The following SOX5 variants were observed in gnomAD, a reference collection of about 807,000 sequenced individuals.
SOX5 encodes transcription factor SOX-5.
Under a neutral mutation model 92.0 loss-of-function variants are expected in SOX5, and 9 were observed. That is an observed-to-expected ratio of 0.10 (90% CI 0.06 to 0.17). The LOEUF is 0.17. Among genes scored for constraint, SOX5 ranks in the 10% least tolerant of loss-of-function variants. The probability of loss-of-function intolerance (pLI) is 1.00; values close to 1 mark genes in which losing one functional copy is unlikely to be tolerated. For missense variants in SOX5, 642 were observed against 944.5 expected (o/e 0.68, Z 4.20); for synonymous variants, 344 against 336.3 (o/e 1.02, Z -0.25).
chr12:24,196,050 A>T (rs1956983028), intron 4 of SOX5, among the ~76,000 whole-genome samples: 1 of 151,916 alleles, frequency 6.6e-6, no homozygotes, highest in Non-Finnish European at 1.5e-5. Flanking sequence ...ACGCCTAGCT[A>T]ATTTTTGTAT....
intron 1 of SOX5, among the ~76,000 whole-genome samples, chr12:24,424,544 C>G (rs1467538893): frequency 6.6e-6 from 1 of 152,058 alleles, no homozygotes; most frequent in Non-Finnish European, 1.5e-5. Context: ...CTTGGGGGCA[C>G]TTGTCTTCCC....
At chr12:23,818,640 T>C (rs984444013) in intron 3 of SOX5, among the ~76,000 whole-genome samples, 1 of 152,182 alleles carries the variant, frequency 6.6e-6, no homozygotes, top group Non-Finnish European at 1.5e-5. Context: ...TATTCTACTT[T>C]ATAAGCTTTT....
chr12:23,574,807 G>A (rs1009947096), intron 10 of SOX5, among the ~76,000 whole-genome samples: 1 of 151,940 alleles, frequency 6.6e-6, no homozygotes, highest in Non-Finnish European at 1.5e-5. Flanking sequence ...TCTTCTTCAA[G>A]GCTCAGTTTG....
At position 24,292,799 on chromosome 12, in the gene SOX5, C is replaced by G. The variant is rs60333984; in HGVS notation, c.-173-15487G>C. On this transcript the variant is annotated intron_variant, in intron 2 of 4. Transcript: ENST00000446891. ...AAGTTTCTTATGAGCTGTAACATTT[C>G]GAAGAAATTTCCACAGACTAGCTTC... 1.8e-3 allele frequency among the ~76,000 whole-genome samples: 278 copies of G among 152,296 alleles called. 1 individual carries two copies. The highest frequency in any genetic ancestry group is 6.6e-3 in the African/African-American group (274 of 41,562).
intron 2 of SOX5, among the ~76,000 whole-genome samples, chr12:23,857,856 C>A (rs1343589781): frequency 6.6e-6 from 1 of 152,042 alleles, no homozygotes; most frequent in Non-Finnish European, 1.5e-5. Context: ...CCTCAGCCTC[C>A]TGAGTAGGTG....
intron 1 of SOX5, among the ~76,000 whole-genome samples, chr12:24,398,887 GTATTACCA>G (rs1458327343): frequency 7.6e-6 from 1 of 132,030 alleles, no homozygotes; most frequent in Non-Finnish European, 1.6e-5. Context: ...CGTGCACTGG[GTATTACCA>G]TGACCTCGGG....
intron 3 of SOX5, among the ~76,000 whole-genome samples, chr12:23,806,559 T>C (rs1321684762): frequency 7.4e-6 from 1 of 134,564 alleles, no homozygotes; most frequent in Non-Finnish European, 1.6e-5. Context: ...TATTTTACAA[T>C]GTAAAATTTA....
chr12:24,463,477 T>C, intron 1 of SOX5, among the ~76,000 whole-genome samples: 1 of 152,202 alleles, frequency 6.6e-6, no homozygotes, highest in Non-Finnish European at 1.5e-5. Context: ...AAATTGCCAT[T>C]ATAACTGAAA....
intron 6 of SOX5, among the ~76,000 whole-genome samples, chr12:23,719,232 T>C (rs910027098): frequency 6.6e-6 from 1 of 152,166 alleles, no homozygotes; most frequent in East Asian, 1.9e-4. Context: ...GAGCACAGAT[T>C]TATTGGATGA....
In SOX5 at chr12:24,393,052, G is replaced by T. The variant is rs146494908; in HGVS notation, c.-250-24413C>A. Among the ~76,000 whole-genome samples the T allele has an allele frequency of 2.4e-3, 361 of 152,264 alleles. 1 individual carries two copies. Among genetic ancestry groups the T allele is most frequent in the African/African-American group, 8.2e-3 (342 of 41,544 alleles). On this transcript the variant is annotated intron_variant, in intron 1 of 4. Coordinates refer to the SOX5 transcript ENST00000446891. The surrounding 1 kb of genome is among the most constrained non-coding windows in gnomAD (Gnocchi z 5.0). ...CATATGAGAGGCTTCAATCTTGAGTGTGTGGGGGCATAAGTATTTTTTTCT... is the reference window on the plus strand; with the variant it reads ...CATATGAGAGGCTTCAATCTTGAGTTTGTGGGGGCATAAGTATTTTTTTCT...
intron 6 of SOX5, among the ~76,000 whole-genome samples, chr12:23,733,254 A>G (rs1311388045): frequency 6.6e-6 from 1 of 152,224 alleles, no homozygotes; most frequent in Non-Finnish European, 1.5e-5. Context: ...CACATTGCTG[A>G]TTATGGAATT....
At chr12:23,801,851 C>G (rs979014916) in intron 3 of SOX5, among the ~76,000 whole-genome samples, 13 of 152,082 alleles carry the variant, frequency 8.5e-5, no homozygotes, top group African/African-American at 3.1e-4. Flanking sequence ...GAGATTTTAG[C>G]TACTTCACCA....
intron 1 of SOX5, among the ~76,000 whole-genome samples, chr12:24,494,471 T>A (rs1201328486): frequency 6.6e-6 from 1 of 152,238 alleles, no homozygotes; most frequent in African/African-American, 2.4e-5. Flanking sequence ...ACAGATAGCA[T>A]AGTTTATTAT....
At chr12:23,866,869 TTG>T (rs1405453518) in intron 2 of SOX5, among the ~76,000 whole-genome samples, 3 of 152,304 alleles carry the variant, frequency 2.0e-5, no homozygotes, top group Middle Eastern at 3.4e-3. Context: ...GATCTTGACA[TTG>T]TGTTGCTGAA....
intron 1 of SOX5, among the ~76,000 whole-genome samples, chr12:24,507,205 T>C (rs1240405324): frequency 6.6e-6 from 1 of 152,044 alleles, no homozygotes; most frequent in East Asian, 1.9e-4. Flanking sequence ...CCTCAACAAT[T>C]GATGGTGACT....
At chr12:24,242,540 T>C (rs998057264) in intron 3 of SOX5, among the ~76,000 whole-genome samples, 6 of 152,192 alleles carry the variant, frequency 3.9e-5, no homozygotes, top group African/African-American at 1.4e-4. Context: ...CAACCTGATC[T>C]TTATTCCCAC....
chr12:24,152,369 C>G (rs1951744133), intron 4 of SOX5, among the ~76,000 whole-genome samples: 2 of 152,058 alleles, frequency 1.3e-5, no homozygotes, highest in African/African-American at 4.8e-5. Flanking sequence ...TTTTAGCTAC[C>G]TTGAGCAAAA....
chr12:24,502,311 G>C (rs1948288954), intron 1 of SOX5, among the ~76,000 whole-genome samples: 1 of 152,092 alleles, frequency 6.6e-6, no homozygotes, highest in African/African-American at 2.4e-5. Context: ...ATAAGAAAGT[G>C]AGAGAAAAAG....
At chr12:24,468,582 T>A (rs1944465999) in intron 1 of SOX5, among the ~76,000 whole-genome samples, 1 of 152,172 alleles carries the variant, frequency 6.6e-6, no homozygotes, top group Non-Finnish European at 1.5e-5. Context: ...TTAGAGGGGT[T>A]TAGTCAAACA....
Sources: allele counts gnomAD v4.1 joint callset (sites outside exome capture counted in the v4.1 genomes callset), GRCh38; gene constraint gnomAD v4.1.1; non-coding constraint Gnocchi (gnomAD v3.1); transcripts MANE v1.5; gene names NCBI Gene and HGNC (gene_info 2026-07-23, HGNC 2026-07-21).